MAPK4: variants seen among roughly 807,000 people sequenced by gnomAD.
MAPK4 encodes the protein Erk3-related.
MAPK4 carries 22 observed loss-of-function variants against 47.7 expected under a neutral mutation model. The ratio of observed to expected loss-of-function variants is 0.46; its 90% CI spans 0.33 to 0.66. The LOEUF is 0.66. Among genes scored for constraint, MAPK4 ranks in the 30% least tolerant of loss-of-function variants. MAPK4 has a pLI of 0.02. For synonymous variants in MAPK4, 390 were observed against 365.7 expected, an observed-to-expected ratio of 1.07 and a Z score of -0.76; for missense variants, 736 against 831.7, an observed-to-expected ratio of 0.88 and a Z score of 1.42.
chr18:50,595,430 C>T (rs1228676706), intron 1 of MAPK4, among the ~76,000 whole-genome samples: 3 of 152,046 alleles, frequency 2.0e-5, no homozygotes, highest in Non-Finnish European at 4.4e-5. Flanking sequence ...ATGAAAAATC[C>T]AGGAAAAAAA....
At chr18:50,600,528 A>G (rs559923782) in intron 1 of MAPK4, among the ~76,000 whole-genome samples, 1 of 152,258 alleles carries the variant, frequency 6.6e-6, no homozygotes, top group South Asian at 2.1e-4. Flanking sequence ...CTCTACCTAT[A>G]GACACTCATG....
At chr18:50,728,792 A>T (rs889576417) in intron 5 of MAPK4, among the ~76,000 whole-genome samples, 4 of 152,216 alleles carry the variant, frequency 2.6e-5, no homozygotes, top group Admixed American at 2.6e-4. Context: ...TCGTGCATCT[A>T]TCAGCTTTTG....
chr18:50,588,910 A>C (rs1240413764), intron 1 of MAPK4, among the ~76,000 whole-genome samples: 1 of 152,214 alleles, frequency 6.6e-6, no homozygotes, highest in Non-Finnish European at 1.5e-5. Context: ...TAATGGGAAG[A>C]ACTGTTGGCA....
At chr18:50,621,526 A>G (rs1163338940) in intron 1 of MAPK4, among the ~76,000 whole-genome samples, 1 of 152,170 alleles carries the variant, frequency 6.6e-6, no homozygotes, top group Non-Finnish European at 1.5e-5. Context: ...AGAGAGCCAC[A>G]ATCCGCCAAG....
intron 1 of MAPK4, among the ~76,000 whole-genome samples, chr18:50,562,685 T>C (rs539257380): frequency 3.3e-5 from 5 of 152,246 alleles, no homozygotes; most frequent in Admixed American, 6.5e-5. Context: ...AATATCCAGA[T>C]TGGCGAGAAA....
intron 3 of MAPK4, among the ~76,000 whole-genome samples, chr18:50,717,273 G>A (rs915177291): frequency 1.3e-5 from 2 of 152,202 alleles, no homozygotes; most frequent in African/African-American, 2.4e-5. Flanking sequence ...CAGACGCTGG[G>A]GAGCTGAGTG....
chr18:50,638,246 T>TGTAAACCATA (rs1362486219), intron 1 of MAPK4, among the ~76,000 whole-genome samples: 1 of 152,240 alleles, frequency 6.6e-6, no homozygotes, highest in Non-Finnish European at 1.5e-5. Context: ...AGATTGCTTA[T>TGTAAACCATA]GGCATGGTTT....
chr18:50,563,945 A>G (rs1299518460), intron 1 of MAPK4, among the ~76,000 whole-genome samples: 1 of 152,152 alleles, frequency 6.6e-6, no homozygotes, highest in African/African-American at 2.4e-5. Context: ...ATGGAATGAA[A>G]GGCTGTGTTC....
chr18:50,575,217 G>A (rs532616375), intron 1 of MAPK4, among the ~76,000 whole-genome samples: 4 of 152,146 alleles, frequency 2.6e-5, no homozygotes, highest in Non-Finnish European at 5.9e-5. Flanking sequence ...CTCCCCTCTG[G>A]AGGATGCAGG....
chr18:50,661,639 G>T (rs2043173062), intron 1 of MAPK4, among the ~76,000 whole-genome samples: 1 of 152,128 alleles, frequency 6.6e-6, no homozygotes, highest in Non-Finnish European at 1.5e-5. Flanking sequence ...GGAATGCTCG[G>T]TAGAATGGTT....
intron 1 of MAPK4, among the ~76,000 whole-genome samples, chr18:50,574,296 G>T (rs2042276044): frequency 1.3e-5 from 2 of 152,090 alleles, no homozygotes; most frequent in Non-Finnish European, 2.9e-5. Flanking sequence ...TGGATTTAAG[G>T]TATTTTCTCC....
intron 3 of MAPK4, among the ~76,000 whole-genome samples, chr18:50,719,353 CA>C (rs747806304): frequency 1.2e-3 from 187 of 151,168 alleles, no homozygotes; most frequent in African/African-American, 4.2e-3. Context: ...GGGTTAAAAA[CA>C]AAACAAAAAA....
intron 1 of MAPK4, among the ~76,000 whole-genome samples, chr18:50,595,440 AC>A (rs1225384683): frequency 1.3e-5 from 2 of 152,246 alleles, no homozygotes; most frequent in East Asian, 1.9e-4. Context: ...CAGGAAAAAA[AC>A]ATACCTTCCA....
chr18:50,643,772 T>C (rs959826457), intron 1 of MAPK4, among the ~76,000 whole-genome samples: 3 of 152,176 alleles, frequency 2.0e-5, no homozygotes, highest in Admixed American at 2.0e-4. Context: ...TTGCCTCTTG[T>C]TGACCTCAGT....
chr18:50,664,121 G>A lies in MAPK4; in HGVS notation c.163G>A (p.Asp55Asn), dbSNP rs61747609. 270 of 1,614,016 alleles carry A rather than the reference G, an allele frequency of 1.7e-4. No homozygotes were observed. Among genetic ancestry groups the A allele is most frequent in the Non-Finnish European group, 2.1e-4 (242 of 1,180,046 alleles). ...CGCTGTGAAGAAGATTGCCCTGAGCGATGCCCGCAGCATGAAGCACGCGCT... is the reference window on the plus strand; with the variant it reads ...CGCTGTGAAGAAGATTGCCCTGAGCAATGCCCGCAGCATGAAGCACGCGCT... Reference protein sequence around the residue: ...KVAVKKIALSDARSMKHALRE... With the variant: ...KVAVKKIALSNARSMKHALRE... The change falls in exon 2 of 6, where the codon GAT becomes AAT. Residue 55 changes from aspartate (D) to asparagine (N), a missense_variant. Coordinates refer to ENST00000400384, the MANE Select transcript of MAPK4 (RefSeq NM_002747.4). The surrounding 1 kb of genome is among the most constrained non-coding windows in gnomAD (Gnocchi z 6.0).
At chr18:50,609,173 C>T (rs555772881) in intron 1 of MAPK4, among the ~76,000 whole-genome samples, 3 of 151,908 alleles carry the variant, frequency 2.0e-5, no homozygotes, top group Non-Finnish European at 2.9e-5. Context: ...CCACATTTCC[C>T]CCTTTTCTAT....
In MAPK4 at chr18:50,609,838, A is replaced by T. The variant is rs1202753773; in HGVS notation, c.-871+49595A>T. Among the ~76,000 whole-genome samples the T allele has an allele frequency of 4.6e-5, 7 of 152,130 alleles. No homozygotes were observed. The East Asian group carries it at 1.2e-3, about 25-fold the overall frequency. ...TCTTTGGTCATATTGGTCTGTAGAT[A>T]TGGTGGATATATCAGACAGAAAAAT... is the stretch of plus-strand genomic sequence containing the variant. On this transcript the variant is annotated intron_variant, in intron 1 of 5. Coordinates refer to ENST00000400384, the MANE Select transcript of MAPK4 (RefSeq NM_002747.4).
At chr18:50,638,140 A>G (rs1461662063) in intron 1 of MAPK4, among the ~76,000 whole-genome samples, 1 of 152,126 alleles carries the variant, frequency 6.6e-6, no homozygotes, top group Non-Finnish European at 1.5e-5. Flanking sequence ...TAATGATGAG[A>G]TGCGATGCTA....
intron 1 of MAPK4, among the ~76,000 whole-genome samples, chr18:50,613,075 A>G (rs1243894935): frequency 6.6e-6 from 1 of 152,220 alleles, no homozygotes; most frequent in Non-Finnish European, 1.5e-5. Context: ...TGGCAAACAC[A>G]TCCTAAGGTG....
Sources: allele counts gnomAD v4.1 joint callset (sites outside exome capture counted in the v4.1 genomes callset), GRCh38; gene constraint gnomAD v4.1.1; non-coding constraint Gnocchi (gnomAD v3.1); transcripts MANE v1.5; gene names NCBI Gene and HGNC (gene_info 2026-07-23, HGNC 2026-07-21).